The following MYO3A variants were observed in gnomAD, a reference collection of about 807,000 sequenced individuals.
MYO3A encodes myosin-IIIa.
Under a neutral mutation model 192.7 loss-of-function variants are expected in MYO3A, and 180 were observed. The observed-to-expected ratio is 0.93, with a 90% CI of 0.83 to 1.06. The LOEUF is 1.06. Among genes scored for constraint, MYO3A ranks in the 50% least tolerant of loss-of-function variants. The pLI is 0.00. For synonymous variants in MYO3A, 628 were observed against 645.3 expected (o/e 0.97, Z 0.41); for missense variants, 1,896 against 1,905.0 (o/e 1.00, Z 0.09).
At chr10:25,954,701 A>G (rs1328312324) in intron 3 of MYO3A, among the ~76,000 whole-genome samples, 173 bp from the exon 4 acceptor site, 1 of 152,114 alleles carries the variant, frequency 6.6e-6, no homozygotes, top group East Asian at 1.9e-4. Flanking sequence ...TGAAAATCAC[A>G]ATCTCTCCCC....
intron 17 of MYO3A, among the ~76,000 whole-genome samples, chr10:26,116,265 C>T (rs933483976): frequency 3.3e-5 from 5 of 152,258 alleles, no homozygotes; most frequent in South Asian, 2.1e-4. Context: ...TTCTATGCTC[C>T]GCTCCGAGTT....
At chr10:25,948,518 A>G (rs146864004) in intron 2 of MYO3A, among the ~76,000 whole-genome samples, 1 of 152,206 alleles carries the variant, frequency 6.6e-6, no homozygotes, top group South Asian at 2.1e-4. Flanking sequence ...TATAACTAAG[A>G]ACTTATTTAT....
chr10:25,999,280 G>T (rs1840636127), intron 6 of MYO3A, among the ~76,000 whole-genome samples: 1 of 152,196 alleles, frequency 6.6e-6, no homozygotes, highest in Non-Finnish European at 1.5e-5. Flanking sequence ...TTGATTTATA[G>T]ATTTTTGGCA....
chr10:26,039,221 T>TTC (rs1843202792), intron 10 of MYO3A, among the ~76,000 whole-genome samples: 1 of 147,466 alleles, frequency 6.8e-6, no homozygotes, highest in African/African-American at 2.5e-5. Context: ...TTTTTTTTTT[T>TTC]TTTTTTTTTT....
Position 26,021,634 on chromosome 10 carries a change from CTTCAA to C in MYO3A, c.718_722del (p.Phe240AsnfsTer13), listed in dbSNP as rs2131083428. ...CTGACCTTCATCCCATGAGAGCACT[CTTCAA>C]AATACCAAGGTCAGATGACTAACAT... On this transcript the variant is annotated frameshift_variant, in exon 8 of 35. Transcript: ENST00000642920. LOFTEE classifies it high-confidence loss of function. 1.2e-6 allele frequency: 2 copies of C among 1,614,088 alleles called. No individual in the cohort carries two copies. Among genetic ancestry groups the C allele is most frequent in the South Asian group, 2.2e-5 (2 of 91,080 alleles).
At chr10:26,004,334 C>G (rs1280839039) in intron 6 of MYO3A, among the ~76,000 whole-genome samples, 1 of 151,792 alleles carries the variant, frequency 6.6e-6, no homozygotes, top group Admixed American at 6.6e-5. Flanking sequence ...GGACAACGGG[C>G]GGCAGGTTTC....
At chr10:26,126,073 C>A (rs527503611) in intron 19 of MYO3A, among the ~76,000 whole-genome samples, 3 of 152,032 alleles carry the variant, frequency 2.0e-5, no homozygotes, top group Admixed American at 2.0e-4. Context: ...CACTGTAACT[C>A]CAATGAAATT....
intron 10 of MYO3A, among the ~76,000 whole-genome samples, chr10:26,048,677 A>G (rs965426302): frequency 6.6e-6 from 1 of 152,154 alleles, no homozygotes; most frequent in Non-Finnish European, 1.5e-5. Flanking sequence ...ATTTATTCAT[A>G]TAGGTTTGAG....
chr10:26,205,067 C>T (rs560370742), intron 34 of MYO3A, among the ~76,000 whole-genome samples: 12 of 152,128 alleles, frequency 7.9e-5, no homozygotes, highest in African/African-American at 2.7e-4. Flanking sequence ...TGGCATTGCG[C>T]GAGAGGGTGT....
intron 10 of MYO3A, among the ~76,000 whole-genome samples, chr10:26,042,596 C>T (rs1843411992): frequency 6.6e-6 from 1 of 152,144 alleles, no homozygotes; most frequent in Non-Finnish European, 1.5e-5. Context: ...ACTGTTAAAT[C>T]TGATGCATTC....
chr10:26,112,443 T>C (rs1838247306), intron 17 of MYO3A, among the ~76,000 whole-genome samples: 1 of 152,250 alleles, frequency 6.6e-6, no homozygotes, highest in Non-Finnish European at 1.5e-5. Flanking sequence ...TTGGCTTTCT[T>C]GGATATGTTG....
intron 26 of MYO3A, among the ~76,000 whole-genome samples, chr10:26,164,743 G>T (rs7919609): frequency 6.6e-6 from 1 of 152,024 alleles, no homozygotes; most frequent in African/African-American, 2.4e-5. Flanking sequence ...GTCCAGGCAC[G>T]CATGTTTGCA....
At chr10:26,172,428 C>G (rs981015550) in intron 29 of MYO3A, among the ~76,000 whole-genome samples, 1 of 152,166 alleles carries the variant, frequency 6.6e-6, no homozygotes, top group Non-Finnish European at 1.5e-5. Flanking sequence ...GCACATGTTC[C>G]CCAGCCAGCC....
At chr10:26,004,507 C>A (rs1164694280) in intron 6 of MYO3A, among the ~76,000 whole-genome samples, 1 of 151,680 alleles carries the variant, frequency 6.6e-6, no homozygotes, top group African/African-American at 2.4e-5. Context: ...TACATATTAC[C>A]TAGCTAATTC....
intron 20 of MYO3A, among the ~76,000 whole-genome samples, chr10:26,136,710 A>G (rs1449059550): frequency 1.3e-5 from 2 of 152,150 alleles, no homozygotes; most frequent in African/African-American, 4.8e-5. Flanking sequence ...TGGTGCTAAG[A>G]AATAAAAACA....
chr10:26,161,463 G>C (rs910427064), intron 26 of MYO3A, among the ~76,000 whole-genome samples: 3 of 152,132 alleles, frequency 2.0e-5, no homozygotes, highest in African/African-American at 7.2e-5. Context: ...TAATGGTTTG[G>C]CTACCAGAGC....
intron 17 of MYO3A, among the ~76,000 whole-genome samples, chr10:26,112,958 A>T (rs1008331207): frequency 6.6e-6 from 1 of 152,144 alleles, no homozygotes; most frequent in African/African-American, 2.4e-5. Flanking sequence ...GGTTTTTTGC[A>T]CAAATTTATG....
At chr10:26,032,620 A>C (rs546293590) in intron 10 of MYO3A, among the ~76,000 whole-genome samples, 10 of 152,092 alleles carry the variant, frequency 6.6e-5, no homozygotes, top group Admixed American at 4.6e-4. Context: ...CATCTCAAAA[A>C]ACAAAAAAAC....
At chr10:25,998,814 T>C (rs1357038554) in intron 6 of MYO3A, among the ~76,000 whole-genome samples, 1 of 152,158 alleles carries the variant, frequency 6.6e-6, no homozygotes, top group Admixed American at 6.5e-5. Context: ...GAAATGTAAA[T>C]TCCTATGATT....
Sources: gnomAD v4.1 joint callset for allele counts (sites outside exome capture counted in the v4.1 genomes callset) on GRCh38, gnomAD v4.1.1 for gene constraint, MANE v1.5 for transcripts, NCBI Gene and HGNC (gene_info 2026-07-23, HGNC 2026-07-21) for gene names.